The following TTN variants were observed in gnomAD, a reference collection of about 807,000 sequenced individuals.
The protein encoded by TTN is connectin.
In TTN, 1,525 loss-of-function variants were observed where a neutral mutation model predicts 3,223.0. The observed-to-expected ratio is 0.47, with a 90% confidence interval of 0.45 to 0.49. The LOEUF (loss-of-function observed/expected upper bound fraction) is 0.49. Among genes scored for constraint, TTN ranks in the 20% least tolerant of loss-of-function variants. The probability of loss-of-function intolerance (pLI) is 0.00; values close to 1 mark genes in which losing one functional copy is unlikely to be tolerated. For synonymous variants in TTN, 14,094 were observed against 15,161.0 expected (o/e 0.93, Z 5.17); for missense variants, 40,786 against 43,424.0 (o/e 0.94, Z 5.40).
Position 178,741,163 on chromosome 2 carries a change from C to T in TTN, c.12070G>A (p.Ala4024Thr). 3.1e-6 allele frequency: 5 copies of T among 1,613,530 alleles called. No homozygotes were observed. Among genetic ancestry groups the T allele is most frequent in the South Asian group, 1.1e-5 (1 of 91,072 alleles). ...TCTTCCAGAAGCACAAGCAGCTCTG[C>T]TGCACAGGTGGACTCACCCAACATA... Reference protein sequence around the residue: ...ENMLGESTCAAELLVLLEDTD... With the variant: ...ENMLGESTCATELLVLLEDTD... Residue 4024 changes from alanine to threonine, a missense_variant, in exon 48 of 363, where the codon GCA (alanine) becomes ACA (threonine). Ala to Thr is a moderately conservative substitution (Grantham distance 58). Coordinates refer to ENST00000589042, the MANE Select transcript of TTN (RefSeq NM_001267550.2).
intron 122 of TTN, 74 bp from the exon 123 acceptor site, chr2:178,689,669 C>A: frequency 6.8e-7 from 1 of 1,475,316 alleles, no homozygotes; most frequent in South Asian, 1.3e-5. Flanking sequence ...TTTAAGAAAG[C>A]AGACGGGTGG....
Position 178,530,297 on chromosome 2 carries a change from C to A in TTN, c.106318G>T (p.Ala35440Ser). 1 of 1,613,304 alleles carries A rather than the reference C, an allele frequency of 6.2e-7. No individual in the cohort carries two copies. Among genetic ancestry groups the A allele is most frequent in the Non-Finnish European group, 8.5e-7 (1 of 1,179,342 alleles). ...TVSSDSVAKF[A>S]VKATGEPRPT... The stretch of plus-strand genomic sequence containing the variant: ...CGGGGTTCTCCAGTAGCCTTAACTG[C>A]AAATTTAGCAACACTGTCTGAAGAA... Residue 35440 changes from alanine to serine, a missense_variant, in exon 358 of 363, where the codon GCA becomes TCA. Coordinates refer to ENST00000589042, the MANE Select transcript of TTN (RefSeq NM_001267550.2).
At chr2:178,664,303 G>A (rs1381893826) in intron 168 of TTN, among the ~76,000 whole-genome samples, 157 bp downstream of exon 168, 1 of 152,028 alleles carries the variant, frequency 6.6e-6, no homozygotes, top group African/African-American at 2.4e-5. Flanking sequence ...GGAGCTTCAG[G>A]CAGTTTGAAG....
rs762172006 is a variant in TTN, at chr2:178,557,824, T to C, written c.87530A>G (p.Lys29177Arg). 2 of 1,613,974 alleles carry C rather than the reference T, an allele frequency of 1.2e-6. No individual in the cohort carries two copies. Among genetic ancestry groups the C allele is most frequent in the Non-Finnish European group, 1.7e-6 (2 of 1,179,854 alleles). The change falls in exon 328 of 363, where the codon AAA (lysine) becomes AGA (arginine). Residue 29177 changes from lysine (K) to arginine (R), a missense_variant. Transcript: ENST00000589042. ...GSQVTNYILL[K>R]RETSTAVWTE... is the part of the protein sequence containing the mutation. ...CCACACTGCAGTACTTGTTTCTCTT[T>C]TGAGTAGAATGTAGTTGGTAACTTG...
chr2:178,606,745 T>C (rs1200146962), intron 278 of TTN, among the ~76,000 whole-genome samples: 1 of 152,000 alleles, frequency 6.6e-6, no homozygotes, highest in African/African-American at 2.4e-5. Context: ...ATAATATGTC[T>C]AAACTACTTC....
intron 43 of TTN, among the ~76,000 whole-genome samples, chr2:178,762,902 T>C (rs1331640967): frequency 6.6e-6 from 1 of 152,240 alleles, no homozygotes; most frequent in East Asian, 1.9e-4. Flanking sequence ...CTTTTAATTA[T>C]GCTCATAAAA....
chr2:178,629,636 T>C (rs753789344), intron 239 of TTN, among the ~76,000 whole-genome samples, 193 bp from the exon 240 acceptor site: 27 of 152,116 alleles, frequency 1.8e-4, no homozygotes, highest in Admixed American at 1.4e-3. Context: ...AGCGAGTATA[T>C]GTAGGGGCCC....
Position 178,559,638 on chromosome 2 carries a change from T to C in TTN, c.86494A>G (p.Ser28832Gly), listed in dbSNP as rs2154158012. The change falls in exon 326 of 363, where the codon AGT becomes GGT. Residue 28832 changes from serine (S) to glycine (G), a missense_variant. Coordinates refer to ENST00000589042, the MANE Select transcript of TTN (RefSeq NM_001267550.2). ...ACAACTAAGGTCAGTGAAGCAGCAC[T>C]CAAAACATTCTGAATTGTTAATGTG... ...KYTLTIQNVL[S>G]AASLTLVVKV... is the part of the protein sequence containing the mutation. 2 of 1,613,774 alleles carry C rather than the reference T, an allele frequency of 1.2e-6. No individual in the cohort carries two copies. Among genetic ancestry groups the C allele is most frequent in the Non-Finnish European group, 1.7e-6 (2 of 1,179,762 alleles).
chr2:178,759,668 C>T (rs955810620), intron 43 of TTN, among the ~76,000 whole-genome samples: 2 of 152,028 alleles, frequency 1.3e-5, no homozygotes, highest in Non-Finnish European at 2.9e-5. Context: ...AAATAGATAC[C>T]TTTGAAGGCT....
Position 178,685,148 on chromosome 2 carries a change from A to T in TTN, c.32470+105T>A, listed in dbSNP as rs894758673. 5.0e-6 allele frequency: 6 copies of T among 1,205,500 alleles called. No individual in the cohort carries two copies. The African/African-American group carries it at 7.7e-5, about 16-fold the overall frequency. The allele number at this position is 1,205,500 out of a possible 1,614,324, so 74.7% of individuals were successfully genotyped here. ...TCATACATGTGTTCTGACAAAACGT[A>T]GACAGTTATGCAAATTGTTATGCAT... On this transcript the variant is annotated intron_variant, in intron 129 of 362. Coordinates refer to ENST00000589042, the MANE Select transcript of TTN (RefSeq NM_001267550.2).
Position 178,568,977 on chromosome 2 carries a change from A to C in TTN, c.77155T>G (p.Trp25719Gly). 1 of 1,613,430 alleles carries C rather than the reference A, an allele frequency of 6.2e-7. No homozygotes were observed. Among genetic ancestry groups the C allele is most frequent in the South Asian group, 1.1e-5 (1 of 91,054 alleles). ...CCACCATCATGTTCAGGTTTTGTCC[A>C]ACTCAGAGAGACACTGTTTCTGGTG... is the stretch of plus-strand genomic sequence containing the variant. ...DVTRNSVSLS[W>G]TKPEHDGGSK... is the part of the protein sequence containing the mutation. The change falls in exon 326 of 363, where the codon TGG (tryptophan) becomes GGG (glycine). Residue 25719 changes from tryptophan to glycine, a missense_variant. Transcript: ENST00000589042.
intron 144 of TTN, 29 bp from the exon 145 acceptor site, chr2:178,678,237 T>C (rs753644424): frequency 7.0e-6 from 11 of 1,578,260 alleles, no homozygotes; most frequent in Non-Finnish European, 9.5e-6. Flanking sequence ...TATTTAGGAA[T>C]ATGTTCTTTT....
At position 178,729,426 on chromosome 2, in the gene TTN, T is replaced by C; in HGVS notation, c.18730A>G (p.Lys6244Glu). Residue 6244 changes from lysine (K) to glutamate (E), a missense_variant, in exon 64 of 363, where the codon AAA becomes GAA. Coordinates refer to ENST00000589042, the MANE Select transcript of TTN (RefSeq NM_001267550.2). The stretch of plus-strand genomic sequence containing the variant: ...GACACTCTGTCGGTCAATGTGTATT[T>C]TTTGCTGCTTCGAATTTCCCTGTTA... ...KNNREIRSSK[K>E]YTLTDRVSVF... The C allele has an allele frequency of 6.2e-7, 1 of 1,613,626 alleles. No individual in the cohort carries two copies. Among genetic ancestry groups the C allele is most frequent in the Non-Finnish European group, 8.5e-7 (1 of 1,179,664 alleles).
intron 45 of TTN, among the ~76,000 whole-genome samples, chr2:178,757,227 A>ATACTGTACTTACTTTAAGTGCAGTAAG (rs1553968975): frequency 1.3e-5 from 2 of 150,192 alleles, no homozygotes; most frequent in Non-Finnish European, 1.5e-5. Context: ...ACAGTAAGTA[A>ATACTGTACTTACTTTAAGTGCAGTAAG]TAATCAGCAA....
In TTN at chr2:178,592,649, A is replaced by T. The variant is rs1373759761; in HGVS notation, c.59356T>A (p.Leu19786Met). ...LVKDRLEPPE[L>M]ILDANMAREQ... ...CTTGCCATGTTGGCATCAAGAATCA[A>T]CTCAGGGGGTTCTAGAATAAAGAGA... Residue 19786 changes from leucine (L) to methionine (M), a missense_variant, in exon 301 of 363, where the codon TTG becomes ATG. Physicochemically the swap from Leu to Met is conservative, Grantham distance 15 (BLOSUM62 2). Transcript: ENST00000589042. The T allele has an allele frequency of 6.2e-7, 1 of 1,612,916 alleles. No individual in the cohort carries two copies. The highest frequency in any genetic ancestry group is 1.7e-5 in the Admixed American group (1 of 59,912).
In TTN at chr2:178,576,891, T is replaced by C; in HGVS notation, c.69412+32A>G. The C allele has an allele frequency of 1.2e-6, 2 of 1,605,640 alleles. No individual in the cohort carries two copies. The highest frequency in any genetic ancestry group is 1.7e-6 in the Non-Finnish European group (2 of 1,177,126). ...TTTCCTAAACTCTGCTATAAATGTT[T>C]CCATGTCAATTCCCTCACATGCTCT... On this transcript the variant is annotated intron_variant, in intron 324 of 362. Coordinates refer to ENST00000589042, the MANE Select transcript of TTN (RefSeq NM_001267550.2). The surrounding 1 kb of genome is among the most constrained non-coding windows in gnomAD (Gnocchi z 4.3).
intron 24 of TTN, 85 bp from the exon 25 acceptor site, chr2:178,778,060 A>G: frequency 2.0e-6 from 3 of 1,521,946 alleles, no homozygotes; most frequent in Middle Eastern, 1.8e-4. Flanking sequence ...TTCATTATTC[A>G]TGTTATTTTA....
chr2:178,737,101 A>G (rs935734710), intron 49 of TTN, among the ~76,000 whole-genome samples: 3 of 152,018 alleles, frequency 2.0e-5, no homozygotes, highest in African/African-American at 7.2e-5. Flanking sequence ...AGAAAGAAAG[A>G]AAGATAGAGA....
chr2:178,776,914 C>G lies in TTN; in HGVS notation c.4950G>C (p.Glu1650Asp), dbSNP rs2092285452. 6.2e-7 allele frequency: 1 copy of G among 1,613,258 alleles called. No individual in the cohort carries two copies. Among genetic ancestry groups the G allele is most frequent in the Non-Finnish European group, 8.5e-7 (1 of 1,179,578 alleles). ...TTCTCTCTGGCTCAGGCTCTGCAAACTCAACTTCAACATTTACTTTGCATC... is the reference window on the plus strand; with the variant it reads ...TTCTCTCTGGCTCAGGCTCTGCAAAGTCAACTTCAACATTTACTTTGCATC... ...TTRCKVNVEV[E>D]FAEPEPERKL... is the part of the protein sequence containing the mutation. Residue 1650 changes from glutamate to aspartate, a missense_variant, in exon 28 of 363, where the codon GAG (glutamate) becomes GAC (aspartate). Transcript: ENST00000589042.
Sources: allele counts gnomAD v4.1 joint callset (sites outside exome capture counted in the v4.1 genomes callset), GRCh38; gene constraint gnomAD v4.1.1; non-coding constraint Gnocchi (gnomAD v3.1); transcripts MANE v1.5; gene names NCBI Gene and HGNC (gene_info 2026-07-23, HGNC 2026-07-21).